The following ENTPD8 variants were observed in gnomAD, a reference collection of about 807,000 sequenced individuals.
ENTPD8 encodes ectonucleoside triphosphate diphosphohydrolase 8, also known as E-NTPDase 8.
A neutral mutation model predicts 47.0 loss-of-function variants in ENTPD8; 35 were observed. The ratio of observed to expected loss-of-function variants is 0.75; its 90% CI spans 0.57 to 0.99. The LOEUF is 0.99. Among genes scored for constraint, ENTPD8 ranks in the 50% least tolerant of loss-of-function variants. The pLI is 0.00. For missense variants in ENTPD8, 668 were observed against 649.9 expected, an observed-to-expected ratio of 1.03 and a Z score of -0.30; for synonymous variants, 308 against 290.5, an observed-to-expected ratio of 1.06 and a Z score of -0.61.
At position 137,434,907 on chromosome 9, in the gene ENTPD8, C is replaced by G; in HGVS notation, c.*7G>C. On this transcript the variant is annotated 3_prime_UTR_variant, in exon 10 of 10. Coordinates refer to ENST00000371506, the MANE Select transcript of ENTPD8 (RefSeq NM_001033113.2). Reference sequence around the variant, plus strand: ...GGGCTCTGTGGGGGCCCACCTCCGCCTTCCCACTAGTCCTGCAACCAGAAG... The same window carrying G: ...GGGCTCTGTGGGGGCCCACCTCCGCGTTCCCACTAGTCCTGCAACCAGAAG... The G allele has an allele frequency of 6.2e-7, 1 of 1,603,702 alleles. No individual in the cohort carries two copies. Among genetic ancestry groups the G allele is most frequent in the African/African-American group, 1.3e-5 (1 of 74,908 alleles).
At position 137,437,047 on chromosome 9, in the gene ENTPD8, G is replaced by A; in HGVS notation, c.396-19C>T. On this transcript the variant is annotated intron_variant, in intron 4 of 9. Transcript: ENST00000371506. ...CTTCCGGCTGGGCACAGAGGACCAG[G>A]GGCTGGAGCTGGCTGGAAGCCTGGG... 6.2e-7 allele frequency: 1 copy of A among 1,608,876 alleles called. No individual in the cohort carries two copies. The highest frequency in any genetic ancestry group is 8.5e-7 in the Non-Finnish European group (1 of 1,177,206).
At chr9:137,435,939 T>A in intron 7 of ENTPD8, 74 bp downstream of exon 7, 1 of 1,602,546 alleles carries the variant, frequency 6.2e-7, no homozygotes, top group Non-Finnish European at 8.5e-7. Context: ...CTCCTGGGCC[T>A]GCTGGAGTCA....
chr9:137,435,584 G>A, intron 8 of ENTPD8, 135 bp downstream of exon 8: 1 of 1,058,722 alleles, frequency 9.4e-7, no homozygotes, highest in Non-Finnish European at 1.4e-6. Flanking sequence ...GGCACGGCCT[G>A]GAGCTGTCCT....
At position 137,436,336 on chromosome 9, in the gene ENTPD8, C is replaced by T. The variant is rs1400090320; in HGVS notation, c.787-60G>A. On this transcript the variant is annotated intron_variant, in intron 6 of 9. Transcript: ENST00000371506. ...ACACCTGCGGCCCTGTGCCCCTCCC[C>T]GGGGCCGGATGACCCACGCCAGCCC... The T allele has an allele frequency of 8.7e-5, 128 of 1,478,074 alleles. No homozygotes were observed. The East Asian group carries it at 2.5e-3, about 29-fold the overall frequency. The allele number at this position is 1,478,074 out of a possible 1,614,324, so 91.6% of individuals were successfully genotyped here. A position where few individuals can be genotyped will look rare whatever the true frequency, so the allele number is the denominator to read the frequency against.
rs1194072207 is a variant in ENTPD8, at chr9:137,438,773, G to A, written c.-20-468C>T. 6.6e-6 allele frequency among the ~76,000 whole-genome samples: 1 copy of A among 152,128 alleles called. No homozygotes were observed. The highest frequency in any genetic ancestry group is 1.5e-5 in the Non-Finnish European group (1 of 67,988). Reference sequence around the variant, plus strand: ...CCCTGTGGGAGGGGGGCGGGGGGCAGCAGAGGCCTCGTCTGGGGACACAGC... The same window carrying A: ...CCCTGTGGGAGGGGGGCGGGGGGCAACAGAGGCCTCGTCTGGGGACACAGC... On this transcript the variant is annotated intron_variant, in intron 1 of 9. Transcript: ENST00000371506. The surrounding 1 kb of genome is among the most constrained non-coding windows in gnomAD (Gnocchi z 5.7).
Position 137,434,420 on chromosome 9 carries a change from A to G in ENTPD8, c.*494T>C, listed in dbSNP as rs940876500. 8.0e-6 allele frequency: 12 copies of G among 1,503,890 alleles called. No homozygotes were observed. Among genetic ancestry groups the G allele is most frequent in the Non-Finnish European group, 1.1e-5 (12 of 1,124,824 alleles). The allele number at this position is 1,503,890 out of a possible 1,614,324, so 93.2% of individuals were successfully genotyped here. Reference sequence around the variant, plus strand: ...ACCCCCACTGCAGTCTCACCCTCCAAGTGGGTGTGGGAGGCCGGGCTGGCC... The same window carrying G: ...ACCCCCACTGCAGTCTCACCCTCCAGGTGGGTGTGGGAGGCCGGGCTGGCC... On this transcript the variant is annotated 3_prime_UTR_variant, in exon 10 of 10. Transcript: ENST00000371506.
chr9:137,434,787 G>A lies in ENTPD8; in HGVS notation c.*127C>T. 8.3e-7 allele frequency: 1 copy of A among 1,205,168 alleles called. No homozygotes were observed. Among genetic ancestry groups the A allele is most frequent in the Non-Finnish European group, 1.1e-6 (1 of 891,046 alleles). 74.7% of individuals were successfully genotyped at this position (1,205,168 alleles called of 1,614,324 possible). A position where few individuals can be genotyped will look rare whatever the true frequency, so the allele number is the denominator to read the frequency against. On this transcript the variant is annotated 3_prime_UTR_variant, in exon 10 of 10. Transcript: ENST00000371506. ...GCACCACCCTGACGGTGCCCTGGAGGTGGCTGTCACCTGACCGTGGGCAGA... is the reference window on the plus strand; with the variant it reads ...GCACCACCCTGACGGTGCCCTGGAGATGGCTGTCACCTGACCGTGGGCAGA...
intron 1 of ENTPD8, among the ~76,000 whole-genome samples, chr9:137,440,113 G>A (rs1340425214): frequency 1.3e-4 from 4 of 30,298 alleles, no homozygotes; most frequent in African/African-American, 6.1e-4. Context: ...CCCCAGACCA[G>A]GACAGCCCCC....
rs753412732 is a variant in ENTPD8, at chr9:137,436,489, A to C, written c.786+32T>G. On this transcript the variant is annotated intron_variant, in intron 6 of 9. Transcript: ENST00000371506. The stretch of plus-strand genomic sequence containing the variant: ...CCTGTGCCCATAGCCCTGTTCCCAC[A>C]GCCCCATGCACCCTCCCCAGGGCCA... 3 of 1,565,214 alleles carry C rather than the reference A, an allele frequency of 1.9e-6. No individual in the cohort carries two copies. The South Asian group carries it at 3.5e-5, about 18-fold the overall frequency.
intron 1 of ENTPD8, among the ~76,000 whole-genome samples, chr9:137,439,844 C>A (rs1285349009): frequency 6.6e-6 from 1 of 151,892 alleles, no homozygotes; most frequent in Non-Finnish European, 1.5e-5. Flanking sequence ...CCAGAACAGC[C>A]TCCCAGATCA....
Position 137,437,289 on chromosome 9 carries a change from T to C in ENTPD8, c.265A>G (p.Thr89Ala), listed in dbSNP as rs1431852728. The C allele has an allele frequency of 2.5e-6, 4 of 1,611,406 alleles. No individual in the cohort carries two copies. Among genetic ancestry groups the C allele is most frequent in the Non-Finnish European group, 2.5e-6 (3 of 1,179,052 alleles). ...QVEGPGISSYTSNAAQAGESL... is the reference protein window; with the variant it reads ...QVEGPGISSYASNAAQAGESL... ...TCACCAGCCTGTGCAGCATTAGAAGTGTAGGAGGAGATTCCAGGCCCTGGA... is the reference window on the plus strand; with the variant it reads ...TCACCAGCCTGTGCAGCATTAGAAGCGTAGGAGGAGATTCCAGGCCCTGGA... The change falls in exon 4 of 10, where the codon ACT becomes GCT. Residue 89 changes from threonine (T) to alanine (A), a missense_variant. Thr to Ala is a moderately conservative substitution (Grantham distance 58). Transcript: ENST00000371506.
Position 137,435,030 on chromosome 9 carries a change from C to T in ENTPD8, c.1372G>A (p.Ala458Thr), listed in dbSNP as rs147294137. 1 of 1,612,774 alleles carries T rather than the reference C, an allele frequency of 6.2e-7. No homozygotes were observed. The highest frequency in any genetic ancestry group is 8.5e-7 in the Non-Finnish European group (1 of 1,179,886). Residue 458 changes from alanine to threonine, a missense_variant, in exon 10 of 10, where the codon GCT becomes ACT. Physicochemically the swap from Ala to Thr is moderately conservative, Grantham distance 58. Transcript: ENST00000371506. ...LTGMIPADAP[A>T]QWRAESYGVW... ...CCGTAGCTCTCTGCCCGCCACTGAG[C>T]CGGCGCATCGGCCGGGATCATCCCG...
At position 137,435,328 on chromosome 9, in the gene ENTPD8, C is replaced by G; in HGVS notation, c.1172G>C (p.Ser391Thr). The change falls in exon 9 of 10, where the codon AGC becomes ACC. Residue 391 changes from serine (S) to threonine (T), a missense_variant. Physicochemically the swap from Ser to Thr is moderately conservative, Grantham distance 58. Transcript: ENST00000371506. ...CAGCCAGCGGTCCTGCCCAGGGTAGCTGGCCTCCACCTGGGGCCCAGGAGA... is the reference window on the plus strand; with the variant it reads ...CAGCCAGCGGTCCTGCCCAGGGTAGGTGGCCTCCACCTGGGGCCCAGGAGA... ...CQRPWKLVEA[S>T]YPGQDRWLRD... The G allele has an allele frequency of 6.2e-7, 1 of 1,610,430 alleles. No individual in the cohort carries two copies. The highest frequency in any genetic ancestry group is 8.5e-7 in the Non-Finnish European group (1 of 1,178,942).
In ENTPD8 at chr9:137,438,144, G is replaced by A. The variant is rs766895529; in HGVS notation, c.126+16C>T. 7.5e-6 allele frequency: 12 copies of A among 1,609,450 alleles called. No homozygotes were observed. The African/African-American group carries it at 9.3e-5, about 13-fold the overall frequency. Reference sequence around the variant, plus strand: ...CTGTGGACCCGGCCCGGCCTCCCCTGCCGGCGGGGACGCACCTTGATGTCT... The same window carrying A: ...CTGTGGACCCGGCCCGGCCTCCCCTACCGGCGGGGACGCACCTTGATGTCT... On this transcript the variant is annotated intron_variant, in intron 2 of 9. Transcript: ENST00000371506. The surrounding 1 kb of genome is among the most constrained non-coding windows in gnomAD (Gnocchi z 5.7).
Position 137,434,828 on chromosome 9 carries a change from C to A in ENTPD8, c.*86G>T. 4 of 1,444,020 alleles carry A rather than the reference C, an allele frequency of 2.8e-6. No homozygotes were observed. The highest frequency in any genetic ancestry group is 3.7e-6 in the Non-Finnish European group (4 of 1,090,246). The allele number at this position is 1,444,020 out of a possible 1,614,324, so 89.5% of individuals were successfully genotyped here. Reference sequence around the variant, plus strand: ...CGTGGGCAGAGCCACAGAGCAAGGCCCCACGGCGCTCAGGGCTCAGGAAGC... The same window carrying A: ...CGTGGGCAGAGCCACAGAGCAAGGCACCACGGCGCTCAGGGCTCAGGAAGC... On this transcript the variant is annotated 3_prime_UTR_variant, in exon 10 of 10. Transcript: ENST00000371506.
rs551339544 is a variant in ENTPD8 at position 137,435,517 on chromosome 9, TGGC to T, written c.1162-182_1162-180del. ...CGTGGTGCGGGTTGCGGCCCCTTCT[TGGC>T]GGGCCAGAGGCTGGGCCCAGCTGCG... On this transcript the variant is annotated intron_variant, in intron 8 of 9. Transcript: ENST00000371506. Among the ~76,000 whole-genome samples, 48 of 152,316 alleles carry T rather than the reference TGGC, an allele frequency of 3.2e-4. No individual in the cohort carries two copies. In the South Asian group the frequency reaches 9.1e-3, roughly 29 times the overall value.
rs114227953 is a variant in ENTPD8 at position 137,438,716 on chromosome 9, C to G, written c.-20-411G>C. On this transcript the variant is annotated intron_variant, in intron 1 of 9. Coordinates refer to ENST00000371506, the MANE Select transcript of ENTPD8 (RefSeq NM_001033113.2). The surrounding 1 kb of genome is among the most constrained non-coding windows in gnomAD (Gnocchi z 5.7). The stretch of plus-strand genomic sequence containing the variant: ...GCCAAGGACCACTCCCCAGGAGCCA[C>G]GCCTGCCAGGGGTGCCATGGGCATC... 6.6e-6 allele frequency among the ~76,000 whole-genome samples: 1 copy of G among 152,120 alleles called. No homozygotes were observed. The highest frequency in any genetic ancestry group is 1.5e-5 in the Non-Finnish European group (1 of 67,992).
chr9:137,437,239 C>T lies in ENTPD8; in HGVS notation c.315G>A (p.Glu105=), dbSNP rs2131906380. ...AGESLQGCLE[E]ALVLIPEAQH... The stretch of plus-strand genomic sequence containing the variant: ...GGGCCTCTGGGATCAGCACCAGCGC[C>T]TCCTCCAAGCAGCCCTGCAGGCTCT... The change falls in exon 4 of 10, where the codon GAG becomes GAA. Residue 105 remains glutamate (E), a synonymous_variant. Coordinates refer to ENST00000371506, the MANE Select transcript of ENTPD8 (RefSeq NM_001033113.2). The T allele has an allele frequency of 1.2e-6, 2 of 1,613,086 alleles. No homozygotes were observed. Among genetic ancestry groups the T allele is most frequent in the Non-Finnish European group, 1.7e-6 (2 of 1,180,004 alleles).
At position 137,437,185 on chromosome 9, in the gene ENTPD8, C is replaced by A; in HGVS notation, c.369G>T (p.Gly123=). ...TGAGCAACCTCATGCCAGCCGTGGC[C>A]CCCAGGAACGTGGGTGTTTTCCGAT... ...AQHRKTPTFL[G]ATAGMRLLSR... The change falls in exon 4 of 10, where the codon GGG becomes GGT. Residue 123 remains glycine, a synonymous_variant. Transcript: ENST00000371506. 1 of 1,612,932 alleles carries A rather than the reference C, an allele frequency of 6.2e-7. No individual in the cohort carries two copies. Among genetic ancestry groups the A allele is most frequent in the South Asian group, 1.1e-5 (1 of 91,084 alleles).
Sources: gnomAD v4.1 joint callset for allele counts (sites outside exome capture counted in the v4.1 genomes callset) on GRCh38, gnomAD v4.1.1 for gene constraint, Gnocchi (gnomAD v3.1) non-coding constraint, MANE v1.5 for transcripts, NCBI Gene and HGNC (gene_info 2026-07-23, HGNC 2026-07-21) for gene names.